Variants in ACBD3 observed in about 807,000 individuals in gnomAD.
The protein encoded by ACBD3 is Golgi resident protein GCP60.
In ACBD3, 30 loss-of-function variants were observed where a neutral mutation model predicts 66.9. The ratio of observed to expected loss-of-function variants is 0.45; its 90% CI spans 0.34 to 0.61. The LOEUF is 0.61. ACBD3 is among the 20% of genes least tolerant of loss of function. The pLI is 0.02. For missense variants in ACBD3, 544 were observed against 664.5 expected (o/e 0.82, Z 1.99); for synonymous variants, 278 against 259.8 (o/e 1.07, Z -0.68).
At chr1:226,177,241 A>C (rs1250177361) in intron 1 of ACBD3, among the ~76,000 whole-genome samples, 3 of 145,162 alleles carry the variant, frequency 2.1e-5, no homozygotes, top group Non-Finnish European at 3.0e-5. Flanking sequence ...GTCCCAGTTG[A>C]TGCTGGAGTG....
chr1:226,165,785 C>T lies in ACBD3; in HGVS notation c.428+74G>A. 2.6e-6 allele frequency: 4 copies of T among 1,512,074 alleles called. No homozygotes were observed. In the South Asian group the frequency reaches 4.1e-5, roughly 15 times the overall value. 93.7% of individuals were successfully genotyped at this position (1,512,074 alleles called of 1,614,324 possible). Reference sequence around the variant, plus strand: ...TAAGCTAATGAACCAGCTACTTACACCTTAACCAATACACATTGTACCCTT... The same window carrying T: ...TAAGCTAATGAACCAGCTACTTACATCTTAACCAATACACATTGTACCCTT... On this transcript the variant is annotated intron_variant, in intron 2 of 7. Coordinates refer to ENST00000366812, the MANE Select transcript of ACBD3 (RefSeq NM_022735.4).
chr1:226,186,625 G>A lies in ACBD3; in HGVS notation c.51C>T (p.Leu17=), dbSNP rs1053748668. ...GCTCCTCCGGGTCCGGGCTGAGCGTGAGGCCGTCGACGGACACCTCGAGTC... is the reference window on the plus strand; with the variant it reads ...GCTCCTCCGGGTCCGGGCTGAGCGTAAGGCCGTCGACGGACACCTCGAGTC... ...AERLEVSVDG[L]TLSPDPEERP... Residue 17 remains leucine (L), a synonymous_variant, in exon 1 of 8, where the codon CTC becomes CTT. Coordinates refer to ENST00000366812, the MANE Select transcript of ACBD3 (RefSeq NM_022735.4). The A allele has an allele frequency of 6.6e-7, 1 of 1,506,758 alleles. No homozygotes were observed. Among genetic ancestry groups the A allele is most frequent in the East Asian group, 2.8e-5 (1 of 35,924 alleles). The allele number at this position is 1,506,758 out of a possible 1,614,324, so 93.3% of individuals were successfully genotyped here.
intron 1 of ACBD3, among the ~76,000 whole-genome samples, chr1:226,167,838 A>C (rs1331719994): frequency 1.3e-5 from 2 of 152,198 alleles, no homozygotes; most frequent in Non-Finnish European, 2.9e-5. Flanking sequence ...ATTCAACCCC[A>C]CTAGTCAAGA....
chr1:226,162,839 C>G (rs1659796322), intron 3 of ACBD3, among the ~76,000 whole-genome samples: 1 of 151,674 alleles, frequency 6.6e-6, no homozygotes, highest in African/African-American at 2.4e-5. Context: ...CTCTGTCACC[C>G]AGACTGGAGT....
At chr1:226,173,513 C>T (rs1003708123) in intron 1 of ACBD3, among the ~76,000 whole-genome samples, 1 of 151,848 alleles carries the variant, frequency 6.6e-6, no homozygotes, top group Non-Finnish European at 1.5e-5. Context: ...ATACAAAACC[C>T]AGGAGGCTGT....
intron 7 of ACBD3, among the ~76,000 whole-genome samples, chr1:226,151,834 C>T (rs1319111095): frequency 1.3e-5 from 2 of 151,922 alleles, no homozygotes; most frequent in African/African-American, 4.8e-5. Flanking sequence ...GGTGAAACCT[C>T]GTCTCTACTA....
At position 226,152,494 on chromosome 1, in the gene ACBD3, G is replaced by A. The variant is rs781141478; in HGVS notation, c.1216C>T (p.Arg406Ter). The change falls in exon 7 of 8, where the codon CGA (arginine) becomes TGA (stop). Residue 406 changes from arginine (R) to a stop codon, truncating the protein, a stop_gained. Coordinates refer to ENST00000366812, the MANE Select transcript of ACBD3 (RefSeq NM_022735.4). LOFTEE classifies it high-confidence loss of function. Reference protein sequence around the residue: ...TVGRGEVVTVRVPTHEEGSYL... With the variant: ...TVGRGEVVTV ...GATCCTTCTTCATGGGTGGGTACTC[G>A]AACAGTGACCACTTCTCCTCGGCCC... is the stretch of plus-strand genomic sequence containing the variant. 4 of 1,614,146 alleles carry A rather than the reference G, an allele frequency of 2.5e-6. No homozygotes were observed. The highest frequency in any genetic ancestry group is 1.1e-5 in the South Asian group (1 of 91,084).
At chr1:226,169,654 C>T (rs1271686515) in intron 1 of ACBD3, among the ~76,000 whole-genome samples, 1 of 149,116 alleles carries the variant, frequency 6.7e-6, no homozygotes, top group Non-Finnish European at 1.5e-5. Flanking sequence ...TCGTGATCGG[C>T]CTGCCTCGGC....
intron 1 of ACBD3, among the ~76,000 whole-genome samples, chr1:226,172,529 G>T (rs1655856903): frequency 6.6e-6 from 1 of 152,130 alleles, no homozygotes; most frequent in East Asian, 1.9e-4. Context: ...AATCCATTAA[G>T]ATTCTGACTC....
At chr1:226,173,506 C>T (rs1481029925) in intron 1 of ACBD3, among the ~76,000 whole-genome samples, 2 of 151,820 alleles carry the variant, frequency 1.3e-5, no homozygotes, top group African/African-American at 4.8e-5. Context: ...AAGGAATATA[C>T]AAAACCCAGG....
intron 5 of ACBD3, among the ~76,000 whole-genome samples, chr1:226,155,414 T>C (rs1247306215): frequency 3.0e-5 from 3 of 99,236 alleles, no homozygotes; most frequent in African/African-American, 4.4e-5. Context: ...CGAAACTCCA[T>C]CTCAAAAAAA....
At position 226,159,147 on chromosome 1, in the gene ACBD3, T is replaced by C. The variant is rs201325351; in HGVS notation, c.903+37A>G. 4.4e-6 allele frequency: 7 copies of C among 1,586,036 alleles called. No homozygotes were observed. In the African/African-American group the frequency reaches 6.8e-5, roughly 15 times the overall value. ...CTTGGGTTCCAATGAAACTAAAAAC[T>C]CTCTCTAAGGCTGAATTCTAGGGTT... On this transcript the variant is annotated intron_variant, in intron 5 of 7. Coordinates refer to ENST00000366812, the MANE Select transcript of ACBD3 (RefSeq NM_022735.4).
At chr1:226,168,491 T>A (rs1036650916) in intron 1 of ACBD3, among the ~76,000 whole-genome samples, 1 of 152,226 alleles carries the variant, frequency 6.6e-6, no homozygotes, top group African/African-American at 2.4e-5. Flanking sequence ...CTTAAAAGGT[T>A]ATCAATAAGG....
chr1:226,160,102 T>TC (rs1466075108), intron 4 of ACBD3, among the ~76,000 whole-genome samples: 1 of 151,882 alleles, frequency 6.6e-6, no homozygotes, highest in Non-Finnish European at 1.5e-5. Flanking sequence ...CTTCTTTTTT[T>TC]TTTTTTTGAG....
chr1:226,177,486 G>A (rs143093103), intron 1 of ACBD3, among the ~76,000 whole-genome samples: 183 of 150,960 alleles, frequency 1.2e-3, no homozygotes, highest in Non-Finnish European at 2.1e-3. Flanking sequence ...ATGAGCCACC[G>A]TGCCCAGCCC....
intron 1 of ACBD3, among the ~76,000 whole-genome samples, chr1:226,173,205 AG>A (rs1357998253): frequency 1.3e-5 from 2 of 152,146 alleles, no homozygotes; most frequent in Non-Finnish European, 2.9e-5. Context: ...TTGGGCATTG[AG>A]ACTGTGGTGA....
chr1:226,174,520 T>C (rs1655973967), intron 1 of ACBD3, among the ~76,000 whole-genome samples: 1 of 152,182 alleles, frequency 6.6e-6, no homozygotes. Context: ...ATCCCAGCAC[T>C]TTGGGAGGCC....
intron 7 of ACBD3, 152 bp downstream of exon 7, chr1:226,152,183 A>G (rs1659588508): frequency 1.8e-6 from 2 of 1,104,084 alleles, no homozygotes; most frequent in African/African-American, 1.6e-5. Flanking sequence ...TGGCCTCATA[A>G]CATTTTCAGC....
intron 1 of ACBD3, among the ~76,000 whole-genome samples, chr1:226,169,105 C>T (rs1659932862): frequency 6.6e-6 from 1 of 152,158 alleles, no homozygotes; most frequent in South Asian, 2.1e-4. Context: ...TCAGGTGATC[C>T]ACCCATCTCA....
Sources: allele counts gnomAD v4.1 joint callset (sites outside exome capture counted in the v4.1 genomes callset), GRCh38; gene constraint gnomAD v4.1.1; transcripts MANE v1.5; gene names NCBI Gene and HGNC (gene_info 2026-07-23, HGNC 2026-07-21).